The following GNG2 variants were observed in gnomAD, a reference collection of about 807,000 sequenced individuals.
GNG2 encodes the protein G protein subunit gamma 2.
GNG2 carries 5 observed loss-of-function variants against 5.5 expected under a neutral mutation model. The ratio of observed to expected loss-of-function variants is 0.91; its 90% CI spans 0.48 to 1.92. The LOEUF (loss-of-function observed/expected upper bound fraction) is 1.92, where lower values mean the gene tolerates loss of function less well. GNG2 is among the 30% of genes most tolerant of loss of function. The pLI is 0.01. For synonymous variants in GNG2, 28 were observed against 32.0 expected, an observed-to-expected ratio of 0.88 and a Z score of 0.42; for missense variants, 55 against 88.4, an observed-to-expected ratio of 0.62 and a Z score of 1.52.
At chr14:51,890,442 C>A (rs1394063487) in intron 2 of GNG2, among the ~76,000 whole-genome samples, 1 of 152,124 alleles carries the variant, frequency 6.6e-6, no homozygotes, top group East Asian at 1.9e-4. Context: ...AAAAGTAAAA[C>A]CAATGTAACT....
chr14:51,890,954 C>T (rs930302273), intron 2 of GNG2, among the ~76,000 whole-genome samples: 4 of 151,924 alleles, frequency 2.6e-5, no homozygotes, highest in Non-Finnish European at 5.9e-5. Flanking sequence ...GCTTATAGAG[C>T]ATCTTCAGCA....
At chr14:51,910,777 A>G (rs1221113407) in intron 2 of GNG2, among the ~76,000 whole-genome samples, 1 of 152,218 alleles carries the variant, frequency 6.6e-6, no homozygotes, top group African/African-American at 2.4e-5. Flanking sequence ...TGTTAATTGA[A>G]TTACAAAGGA....
chr14:51,880,988 A>AT (rs1884031493), intron 2 of GNG2, among the ~76,000 whole-genome samples: 1 of 148,504 alleles, frequency 6.7e-6, no homozygotes, highest in African/African-American at 2.5e-5. Context: ...AAAAAAAAAA[A>AT]CCCTGAGATT....
intron 2 of GNG2, among the ~76,000 whole-genome samples, chr14:51,904,142 A>T (rs918932911): frequency 1.3e-5 from 2 of 152,112 alleles, no homozygotes; most frequent in Non-Finnish European, 2.9e-5. Flanking sequence ...TTGGATGCAA[A>T]CACCACAGCT....
chr14:51,838,642 T>C (rs1011074655), intron 2 of GNG2, among the ~76,000 whole-genome samples: 3 of 152,228 alleles, frequency 2.0e-5, no homozygotes, highest in African/African-American at 7.2e-5. Context: ...ACAGCATTCA[T>C]ATGTTAAAGC....
chr14:51,890,145 C>A (rs1038387704), intron 2 of GNG2, among the ~76,000 whole-genome samples: 1 of 152,218 alleles, frequency 6.6e-6, no homozygotes, highest in African/African-American at 2.4e-5. Context: ...TAAGGACAGA[C>A]TTCCTCCCTT....
chr14:51,828,477 GGGAA>G (rs1387117831), intron 2 of GNG2, among the ~76,000 whole-genome samples: 1 of 152,144 alleles, frequency 6.6e-6, no homozygotes, highest in African/African-American at 2.4e-5. Flanking sequence ...GAAAAAAGGA[GGGAA>G]GGAATAAATC....
intron 3 of GNG2, among the ~76,000 whole-genome samples, chr14:51,956,246 G>A (rs976884338): frequency 1.3e-5 from 2 of 152,092 alleles, no homozygotes; most frequent in African/African-American, 2.4e-5. Context: ...AGCTACTCTA[G>A]CAAATTATCC....
intron 3 of GNG2, among the ~76,000 whole-genome samples, chr14:51,960,070 T>C (rs1253641): frequency 0.54 from 81,112 of 151,534 alleles, 22,602 homozygotes; most frequent in East Asian, 0.7. Context: ...TCAAATATTT[T>C]TTCTTTATCT....
At chr14:51,883,111 T>G (rs1884212644) in intron 2 of GNG2, among the ~76,000 whole-genome samples, 1 of 152,094 alleles carries the variant, frequency 6.6e-6, no homozygotes, top group Admixed American at 6.5e-5. Context: ...ATATAAATAC[T>G]TTTTATTAAC....
chr14:51,905,911 T>C (rs1318396250), intron 2 of GNG2, among the ~76,000 whole-genome samples: 3 of 152,242 alleles, frequency 2.0e-5, no homozygotes, highest in Non-Finnish European at 4.4e-5. Context: ...TATGCCGTTA[T>C]TGTAAATTTC....
chr14:51,948,560 A>G (rs946370981), intron 2 of GNG2, among the ~76,000 whole-genome samples: 1 of 152,214 alleles, frequency 6.6e-6, no homozygotes, highest in East Asian at 1.9e-4. Context: ...TCAATGCTCT[A>G]TCTTGGCCCT....
In GNG2 at chr14:51,897,709, A is replaced by G. The variant is rs4898724; in HGVS notation, c.-30+20052A>G. 1.6e-3 allele frequency among the ~76,000 whole-genome samples: 242 copies of G among 152,176 alleles called. 3 individuals carry two copies. The East Asian group carries it at 0.027, about 17-fold the overall frequency. ...CCTTCTCACCTGGTTCTGGGAGGGC[A>G]AGGAACTTATGTGATGGGAGGCTAC... On this transcript the variant is annotated intron_variant, in intron 2 of 3. Coordinates refer to ENST00000556766, the MANE Select transcript of GNG2 (RefSeq NM_053064.5).
chr14:51,897,536 TA>T (rs139843803), intron 2 of GNG2, among the ~76,000 whole-genome samples: 1,972 of 152,310 alleles, frequency 0.013, 23 homozygotes, highest in Middle Eastern at 0.02. Context: ...ATTCTAGCAG[TA>T]ACTTCAAAAA....
At chr14:51,841,490 T>C in intron 2 of GNG2, 1 of 701,472 alleles carries the variant, frequency 1.4e-6, no homozygotes, top group South Asian at 1.5e-5. Flanking sequence ...ATACTATTTT[T>C]CTCTCCATTT....
At chr14:51,929,908 A>G (rs1449231257) in intron 2 of GNG2, among the ~76,000 whole-genome samples, 5 of 152,188 alleles carry the variant, frequency 3.3e-5, no homozygotes, top group Non-Finnish European at 4.4e-5. Flanking sequence ...ATTTGCTAGG[A>G]TGATATTATC....
chr14:51,885,022 G>C (rs1055479733), intron 2 of GNG2, among the ~76,000 whole-genome samples: 4 of 152,184 alleles, frequency 2.6e-5, no homozygotes, highest in Admixed American at 6.5e-5. Context: ...CCAATGCACA[G>C]AGGGGAGGCG....
chr14:51,960,218 A>G (rs771871712), intron 3 of GNG2, among the ~76,000 whole-genome samples: 4 of 149,702 alleles, frequency 2.7e-5, no homozygotes, highest in Non-Finnish European at 5.9e-5. Context: ...CATTTTGGAT[A>G]GTTTCTATTG....
At chr14:51,931,374 A>C (rs1299753564) in intron 2 of GNG2, among the ~76,000 whole-genome samples, 1 of 152,170 alleles carries the variant, frequency 6.6e-6, no homozygotes, top group Non-Finnish European at 1.5e-5. Context: ...CAGGTCTGGA[A>C]AAGAAGAGTT....
Sources: gnomAD v4.1 joint callset for allele counts (sites outside exome capture counted in the v4.1 genomes callset) on GRCh38, gnomAD v4.1.1 for gene constraint, MANE v1.5 for transcripts, NCBI Gene and HGNC (gene_info 2026-07-23, HGNC 2026-07-21) for gene names.